The following USH2A variants were observed in gnomAD, a reference collection of about 807,000 sequenced individuals.
USH2A encodes the protein usherin.
A neutral mutation model predicts 538.9 loss-of-function variants in USH2A; 443 were observed. The observed-to-expected ratio is 0.82, with a 90% CI of 0.76 to 0.89. The LOEUF (loss-of-function observed/expected upper bound fraction) is 0.89. USH2A is among the 40% of genes least tolerant of loss of function. The pLI, the probability that USH2A is intolerant of heterozygous loss-of-function variation, is 0.00. For synonymous variants in USH2A, 2,413 were observed against 2,273.5 expected, an observed-to-expected ratio of 1.06 and a Z score of -1.75; for missense variants, 6,633 against 6,324.8, an observed-to-expected ratio of 1.05 and a Z score of -1.65.
intron 64 of USH2A, among the ~76,000 whole-genome samples, chr1:215,665,092 G>C (rs1657562982): frequency 6.6e-6 from 1 of 152,150 alleles, no homozygotes. Flanking sequence ...GTGGGGGCTG[G>C]TGCAGGGAAG....
In USH2A at chr1:216,175,769, T is replaced by C. The variant is rs1226116909; in HGVS notation, c.4397-287A>G. ...CTTTTTAGCTAAATAATAGATCTTA[T>C]ATATTATAGTAGCTGCTGTACTCTG... On this transcript the variant is annotated intron_variant, in intron 20 of 71. Transcript: ENST00000307340. Among the ~76,000 whole-genome samples, 10 of 152,310 alleles carry C rather than the reference T, an allele frequency of 6.6e-5. No homozygotes were observed. In the East Asian group the frequency reaches 7.7e-4, roughly 12 times the overall value.
At chr1:215,892,776 A>C (rs890472881) in intron 40 of USH2A, among the ~76,000 whole-genome samples, 2 of 152,196 alleles carry the variant, frequency 1.3e-5, no homozygotes, top group African/African-American at 4.8e-5. Context: ...CTCTGATAAA[A>C]AAGGAAATGG....
At chr1:216,405,435 T>C (rs1437589489) in intron 3 of USH2A, among the ~76,000 whole-genome samples, 1 of 152,158 alleles carries the variant, frequency 6.6e-6, no homozygotes, top group East Asian at 1.9e-4. Context: ...CATGAAAATA[T>C]GCTGAACACC....
chr1:216,152,851 C>T (rs1212940236), intron 21 of USH2A, among the ~76,000 whole-genome samples: 2 of 152,206 alleles, frequency 1.3e-5, no homozygotes, highest in Non-Finnish European at 2.9e-5. Flanking sequence ...CCAAGTGTTG[C>T]CTTTTGGCCC....
chr1:216,276,434 T>C (rs2036671399), intron 11 of USH2A, among the ~76,000 whole-genome samples: 1 of 152,092 alleles, frequency 6.6e-6, no homozygotes, highest in Non-Finnish European at 1.5e-5. Flanking sequence ...TGAGACAACG[T>C]CCAGTCCAGG....
At chr1:216,021,327 G>A (rs567680431) in intron 32 of USH2A, among the ~76,000 whole-genome samples, 7 of 152,182 alleles carry the variant, frequency 4.6e-5, no homozygotes, top group South Asian at 4.1e-4. Context: ...TACTGTTCTC[G>A]TGGTAGTGAA....
intron 19 of USH2A, among the ~76,000 whole-genome samples, chr1:216,191,211 A>C (rs902569452): frequency 2.0e-5 from 3 of 152,050 alleles, no homozygotes; most frequent in African/African-American, 7.2e-5. Context: ...GACAGTAACT[A>C]TGAGTACAAA....
At position 215,674,954 on chromosome 1, in the gene USH2A, A is replaced by T. The variant is rs1257082400; in HGVS notation, c.12957T>A (p.Thr4319=). Residue 4319 remains threonine, a synonymous_variant, in exon 63 of 72, where the codon ACT becomes ACA. Coordinates refer to ENST00000307340, the MANE Select transcript of USH2A (RefSeq NM_206933.4). ...FSFDPVTFNY[T]DEELLPFSTY... Reference sequence around the variant, plus strand: ...TGGAAAAAGGAAGAAGCTCTTCATCAGTGTAATTGAAAGTCACAGGATCAA... The same window carrying T: ...TGGAAAAAGGAAGAAGCTCTTCATCTGTGTAATTGAAAGTCACAGGATCAA... The T allele has an allele frequency of 1.2e-6, 2 of 1,614,082 alleles. No individual in the cohort carries two copies. Among genetic ancestry groups the T allele is most frequent in the Non-Finnish European group, 1.7e-6 (2 of 1,180,040 alleles).
At chr1:215,748,297 G>C (rs558003412) in intron 58 of USH2A, among the ~76,000 whole-genome samples, 263 of 152,260 alleles carry the variant, frequency 1.7e-3, no homozygotes, top group African/African-American at 6.2e-3. Context: ...CCGGGACCTT[G>C]AACCTGTTAT....
At chr1:215,873,418 T>C (rs1214050272) in intron 43 of USH2A, among the ~76,000 whole-genome samples, 3 of 152,290 alleles carry the variant, frequency 2.0e-5, no homozygotes, top group South Asian at 2.1e-4. Flanking sequence ...ATTTATATTA[T>C]AGAAACACGT....
At chr1:215,681,352 C>T (rs1420051190) in intron 61 of USH2A, among the ~76,000 whole-genome samples, 1 of 151,860 alleles carries the variant, frequency 6.6e-6, no homozygotes, top group East Asian at 1.9e-4. Context: ...CACACACACA[C>T]ACACACTGGC....
At chr1:216,354,888 C>T (rs1558051556) in intron 4 of USH2A, among the ~76,000 whole-genome samples, 1 of 152,006 alleles carries the variant, frequency 6.6e-6, no homozygotes, top group East Asian at 1.9e-4. Flanking sequence ...AATGAAAACA[C>T]CAACGTACAT....
chr1:215,844,636 T>C, intron 45 of USH2A, 140 bp from the exon 46 acceptor site: 1 of 870,442 alleles, frequency 1.1e-6, no homozygotes, highest in Non-Finnish European at 1.8e-6. Flanking sequence ...TCACAGTCTG[T>C]AGTCCTCTGT....
chr1:216,131,976 C>T (rs2033385837), intron 21 of USH2A, among the ~76,000 whole-genome samples: 1 of 152,018 alleles, frequency 6.6e-6, no homozygotes, highest in South Asian at 2.1e-4. Context: ...CACAAGAGGA[C>T]ACAGACCTAG....
chr1:216,175,587 A>G, intron 20 of USH2A, 105 bp from the exon 21 acceptor site: 1 of 1,075,350 alleles, frequency 9.3e-7, no homozygotes, highest in Non-Finnish European at 1.4e-6. Context: ...CACACTTCAA[A>G]TCAAATCAGT....
intron 64 of USH2A, among the ~76,000 whole-genome samples, chr1:215,656,182 C>A (rs866469245): frequency 6.6e-6 from 1 of 152,168 alleles, no homozygotes; most frequent in Admixed American, 6.5e-5. Context: ...TGCTTTGCCT[C>A]GCTCAATGTC....
intron 21 of USH2A, among the ~76,000 whole-genome samples, chr1:216,138,593 T>C (rs2033533551): frequency 6.6e-6 from 1 of 152,208 alleles, no homozygotes; most frequent in Non-Finnish European, 1.5e-5. Flanking sequence ...TGGCTCATCC[T>C]TGCTTTTTAT....
At chr1:215,681,715 G>T (rs1423004906) in intron 61 of USH2A, among the ~76,000 whole-genome samples, 1 of 152,094 alleles carries the variant, frequency 6.6e-6, no homozygotes, top group East Asian at 1.9e-4. Context: ...AGGTTTTGGT[G>T]CTGTTTTCTG....
chr1:215,733,400 C>A (rs1481707826), intron 60 of USH2A, among the ~76,000 whole-genome samples: 1 of 152,168 alleles, frequency 6.6e-6, no homozygotes, highest in Non-Finnish European at 1.5e-5. Flanking sequence ...TTAGAGAGGA[C>A]AAACATACAA....
Sources: gnomAD v4.1 joint callset for allele counts (sites outside exome capture counted in the v4.1 genomes callset) on GRCh38, gnomAD v4.1.1 for gene constraint, MANE v1.5 for transcripts, NCBI Gene and HGNC (gene_info 2026-07-23, HGNC 2026-07-21) for gene names.